Variants in NLGN4Y observed in about 807,000 individuals in gnomAD.
NLGN4Y encodes the protein neuroligin-4, Y-linked.
NLGN4Y carries 4 observed loss-of-function variants against 8.4 expected under a neutral mutation model. The ratio of observed to expected loss-of-function variants is 0.48; its 90% CI spans 0.23 to 1.09. The LOEUF (loss-of-function observed/expected upper bound fraction) is 1.09, where lower values mean the gene tolerates loss of function less well. Among genes scored for constraint, NLGN4Y ranks in the 50% least tolerant of loss-of-function variants. The pLI is 0.19. For synonymous variants in NLGN4Y, 35 were observed against 75.6 expected (o/e 0.46, Z 2.78); for missense variants, 90 against 192.3 (o/e 0.47, Z 3.15).
intron 4 of NLGN4Y, among the ~76,000 whole-genome samples, chrY:14,771,739 T>C (rs2081108681): frequency 6.0e-5 from 2 of 33,066 alleles, no homozygotes; most frequent in Admixed American, 5.5e-4. Context: ...CCAACTAAGA[T>C]ACACAGACTG....
At chrY:14,704,984 A>G (rs2080871053) in intron 2 of NLGN4Y, among the ~76,000 whole-genome samples, 1 of 32,512 alleles carries the variant, frequency 3.1e-5, no homozygotes, top group Non-Finnish European at 7.5e-5. Flanking sequence ...GGCAGTTTGT[A>G]TTTCTTTGGG....
chrY:14,570,137 C>T, intron 1 of NLGN4Y, among the ~76,000 whole-genome samples: 1 of 33,968 alleles, frequency 2.9e-5, no homozygotes, highest in Non-Finnish European at 7.3e-5. Flanking sequence ...CACTTTCTTC[C>T]TTCTGGATGT....
At chrY:14,757,250 C>G in intron 4 of NLGN4Y, among the ~76,000 whole-genome samples, 3 of 32,208 alleles carry the variant, frequency 9.3e-5, no homozygotes, top group Non-Finnish European at 1.5e-4. Flanking sequence ...CACTAATTCT[C>G]TCGTTTAATC....
chrY:14,792,520 TGGCTCACA>T, intron 4 of NLGN4Y, among the ~76,000 whole-genome samples: 1 of 31,209 alleles, frequency 3.2e-5, no homozygotes, highest in East Asian at 8.4e-4. Context: ...CCAGGCATGG[TGGCTCACA>T]CTTGTAATCC....
chrY:14,580,046 G>T (rs2080310770), intron 1 of NLGN4Y, among the ~76,000 whole-genome samples: 1 of 27,486 alleles, frequency 3.6e-5, no homozygotes, highest in Admixed American at 3.5e-4. Context: ...CAAAAAATTA[G>T]CTGGGCATGG....
chrY:14,686,632 G>A, intron 2 of NLGN4Y, among the ~76,000 whole-genome samples: 1 of 31,988 alleles, frequency 3.1e-5, no homozygotes. Context: ...AATGTCCCCT[G>A]GGTATCTCAG....
chrY:14,759,878 T>C, intron 4 of NLGN4Y, among the ~76,000 whole-genome samples: 1 of 33,821 alleles, frequency 3.0e-5, no homozygotes, highest in African/African-American at 1.1e-4. Context: ...CTCTCATTTA[T>C]ATATACATGA....
chrY:14,574,717 A>T, intron 1 of NLGN4Y, among the ~76,000 whole-genome samples: 1 of 33,423 alleles, frequency 3.0e-5, no homozygotes, highest in Non-Finnish European at 7.4e-5. Flanking sequence ...ATGTTTTTGC[A>T]GTGGCTGGTA....
chrY:14,697,320 G>C (rs2080832023), intron 2 of NLGN4Y, among the ~76,000 whole-genome samples: 1 of 30,755 alleles, frequency 3.3e-5, no homozygotes, highest in African/African-American at 1.3e-4. Context: ...GGTGATATAT[G>C]TATATATAGA....
At chrY:14,743,088 T>A in intron 4 of NLGN4Y, among the ~76,000 whole-genome samples, 2 of 33,272 alleles carry the variant, frequency 6.0e-5, no homozygotes, top group African/African-American at 1.2e-4. Context: ...TACAGTTTTC[T>A]CTTCTGTGCT....
intron 2 of NLGN4Y, among the ~76,000 whole-genome samples, chrY:14,631,360 A>G: frequency 3.0e-5 from 1 of 33,890 alleles, no homozygotes; most frequent in Non-Finnish European, 7.3e-5. Context: ...TTCAGCCACC[A>G]TGACTGGCTA....
chrY:14,610,034 C>A (rs2080460746), intron 1 of NLGN4Y, among the ~76,000 whole-genome samples: 3 of 33,250 alleles, frequency 9.0e-5, no homozygotes, highest in African/African-American at 3.5e-4. Context: ...CATTTCTGTG[C>A]GATCAGTAGT....
chrY:14,757,793 A>G lies in NLGN4Y; in HGVS notation c.685+34524A>G, dbSNP rs201571056. On this transcript the variant is annotated intron_variant, in intron 4 of 6. Transcript: ENST00000684976. ...GTGACTAGATCTTGCTCTGTTACGC[A>G]GACTGGTCTAACTCCTGGCTTCAAG... 3.2e-4 allele frequency among the ~76,000 whole-genome samples: 11 copies of G among 34,116 alleles called. No homozygotes were observed. In the East Asian group the frequency reaches 8.7e-3, roughly 27 times the overall value. 91.5% of individuals were successfully genotyped at this position (34,116 alleles called of 37,273 possible).
At chrY:14,572,438 A>G in intron 1 of NLGN4Y, among the ~76,000 whole-genome samples, 1 of 30,433 alleles carries the variant, frequency 3.3e-5, no homozygotes, top group African/African-American at 1.3e-4. Flanking sequence ...ATTTTTGCAC[A>G]GTGATTTTGT....
chrY:14,580,877 GAAAAAAAAAA>G (rs748606939), intron 1 of NLGN4Y, among the ~76,000 whole-genome samples: 2 of 3,102 alleles, frequency 6.4e-4, no homozygotes, highest in East Asian at 6.2e-3. Flanking sequence ...CATCTGTATG[GAAAAAAAAAA>G]AAAAAAAAAA....
intron 2 of NLGN4Y, among the ~76,000 whole-genome samples, chrY:14,710,485 C>G: frequency 3.0e-5 from 1 of 33,895 alleles, no homozygotes; most frequent in Non-Finnish European, 7.3e-5. Flanking sequence ...ATGCTCTTCA[C>G]CCTGTGTGAC....
At chrY:14,690,741 C>T (rs901863290) in intron 2 of NLGN4Y, among the ~76,000 whole-genome samples, 2 of 32,034 alleles carry the variant, frequency 6.2e-5, no homozygotes, top group Non-Finnish European at 1.5e-4. Flanking sequence ...GTAAGGCAAT[C>T]GCTACCACAG....
intron 1 of NLGN4Y, among the ~76,000 whole-genome samples, chrY:14,615,152 A>G (rs746361053): frequency 3.0e-5 from 1 of 33,178 alleles, no homozygotes; most frequent in East Asian, 7.9e-4. Context: ...CAGGTCCTTC[A>G]CATCCCTTTT....
rs774738249 is a variant in NLGN4Y at position 14,785,932 on chromosome Y, GAAAAA to G, written c.686-38252_686-38248del. Among the ~76,000 whole-genome samples, 56 of 32,813 alleles carry G rather than the reference GAAAAA, an allele frequency of 1.7e-3. No homozygotes were observed. The East Asian group carries it at 0.039, about 23-fold the overall frequency. The allele number at this position is 32,813 out of a possible 37,273, so 88.0% of individuals were successfully genotyped here. A position where few individuals can be genotyped will look rare whatever the true frequency, so the allele number is the denominator to read the frequency against. On this transcript the variant is annotated intron_variant, in intron 4 of 6. Coordinates refer to ENST00000684976, the MANE Select transcript of NLGN4Y (RefSeq NM_001365588.1). ...AAAAACGGAACCAAAAAGAAAAAAA[GAAAAA>G]AAAGAAAAGTCAGTTGAAATGTAAT...
Sources: gnomAD v4.1 joint callset for allele counts (sites outside exome capture counted in the v4.1 genomes callset) on GRCh38, gnomAD v4.1.1 for gene constraint, MANE v1.5 for transcripts, NCBI Gene and HGNC (gene_info 2026-07-23, HGNC 2026-07-21) for gene names.